The following TENM2 variants were observed in gnomAD, a reference collection of about 807,000 sequenced individuals.
TENM2 encodes the protein teneurin-2.
TENM2 carries 52 observed loss-of-function variants against 245.2 expected under a neutral mutation model. That is an observed-to-expected ratio of 0.21 (90% confidence interval 0.17 to 0.27). The LOEUF is 0.27. Among genes scored for constraint, TENM2 ranks in the 10% least tolerant of loss-of-function variants. The probability of loss-of-function intolerance (pLI) is 1.00; values close to 1 mark genes in which losing one functional copy is unlikely to be tolerated. For synonymous variants in TENM2, 1,363 were observed against 1,438.9 expected, an observed-to-expected ratio of 0.95 and a Z score of 1.19; for missense variants, 3,046 against 3,666.8, an observed-to-expected ratio of 0.83 and a Z score of 4.37.
At chr5:167,976,051 C>T (rs548988971) in intron 4 of TENM2, among the ~76,000 whole-genome samples, 7 of 152,056 alleles carry the variant, frequency 4.6e-5, no homozygotes, top group Non-Finnish European at 8.8e-5. Context: ...TTTTGTTTTC[C>T]TTCCTCGGCC....
chr5:167,680,521 G>A (rs147360791), intron 2 of TENM2, among the ~76,000 whole-genome samples: 17 of 152,222 alleles, frequency 1.1e-4, no homozygotes, highest in Middle Eastern at 3.4e-3. Context: ...CTTAAAGACC[G>A]AGAAATATCT....
At chr5:167,471,979 T>G (rs1260445053) in intron 2 of TENM2, among the ~76,000 whole-genome samples, 1 of 152,216 alleles carries the variant, frequency 6.6e-6, no homozygotes, top group Non-Finnish European at 1.5e-5. Context: ...CATTGCCAGT[T>G]AAGCTGGCTT....
rs1214145647 is a variant in TENM2 at position 167,600,554 on chromosome 5, A to G, written c.502+225081A>G. Among the ~76,000 whole-genome samples the G allele has an allele frequency of 2.6e-5, 4 of 152,202 alleles. 1 individual carries two copies. The highest frequency in any genetic ancestry group is 3.8e-4 in the East Asian group (2 of 5,196). On this transcript the variant is annotated intron_variant, in intron 2 of 28. Coordinates refer to ENST00000518659, the Ensembl canonical transcript of TENM2. ...TATTATGCTTCCTCCTTCAAAAAAT[A>G]TGCAGGAAAGTGATTATATGTGGTG...
At chr5:167,940,301 C>T (rs921507547) in intron 3 of TENM2, among the ~76,000 whole-genome samples, 3 of 151,986 alleles carry the variant, frequency 2.0e-5, no homozygotes, top group Admixed American at 6.6e-5. Context: ...GTTCAACAAC[C>T]GTCTATTGTG....
chr5:167,162,830 G>A, the TENM2 span, among the ~76,000 whole-genome samples: 5 of 152,152 alleles, frequency 3.3e-5, no homozygotes, highest in South Asian at 1.0e-3. Flanking sequence ...ATGGGTTTCA[G>A]CTTTTTCTTG....
chr5:166,983,516 A>G, the TENM2 span, among the ~76,000 whole-genome samples: 4 of 152,106 alleles, frequency 2.6e-5, no homozygotes, highest in East Asian at 1.9e-4. Context: ...CACTTTTCCT[A>G]TGAGTTTGAT....
the TENM2 span, among the ~76,000 whole-genome samples, chr5:167,035,761 A>T: frequency 6.6e-6 from 1 of 152,178 alleles, no homozygotes; most frequent in South Asian, 2.1e-4. Context: ...TTTATTTAAG[A>T]CACAGTTTCA....
chr5:168,107,641 C>T (rs560096830), intron 9 of TENM2, among the ~76,000 whole-genome samples: 2 of 152,156 alleles, frequency 1.3e-5, no homozygotes, highest in Non-Finnish European at 2.9e-5. Context: ...AGGTCATCCA[C>T]GATCTAAACT....
At chr5:168,106,745 A>G (rs1794272678) in intron 9 of TENM2, among the ~76,000 whole-genome samples, 1 of 152,186 alleles carries the variant, frequency 6.6e-6, no homozygotes, top group Admixed American at 6.5e-5. Context: ...CCAGGTAGAA[A>G]GTGGGAGAGC....
chr5:167,716,930 T>C (rs1182375564), intron 2 of TENM2, among the ~76,000 whole-genome samples: 1 of 139,388 alleles, frequency 7.2e-6, no homozygotes, highest in Non-Finnish European at 1.5e-5. Flanking sequence ...TATTTTATTT[T>C]ATTTTATTTT....
exon 19 of TENM2, chr5:168,204,391 T>C (rs761214333): frequency 6.2e-7 from 1 of 1,613,822 alleles, no homozygotes; most frequent in East Asian, 2.2e-5. Context: ...ACAAAGGCAC[T>C]GGGGAAAACC....
At chr5:167,914,346 C>T (rs1203405843) in intron 3 of TENM2, among the ~76,000 whole-genome samples, 1 of 152,200 alleles carries the variant, frequency 6.6e-6, no homozygotes, top group East Asian at 1.9e-4. Flanking sequence ...AGGACGCCTG[C>T]ATTCCTTGGC....
At chr5:168,225,091 C>T (rs1764037075) in intron 23 of TENM2, among the ~76,000 whole-genome samples, 1 of 152,230 alleles carries the variant, frequency 6.6e-6, no homozygotes, top group African/African-American at 2.4e-5. Context: ...CCTAGACTTA[C>T]TTGGGTGCTA....
At chr5:167,378,426 C>T (rs1329036695) in intron 2 of TENM2, among the ~76,000 whole-genome samples, 2 of 148,268 alleles carry the variant, frequency 1.3e-5, no homozygotes, top group Non-Finnish European at 3.0e-5. Context: ...CTTCATCCTA[C>T]ACTCATTGAT....
At chr5:167,488,679 A>G (rs1394553225) in intron 2 of TENM2, among the ~76,000 whole-genome samples, 3 of 149,560 alleles carry the variant, frequency 2.0e-5, no homozygotes, top group Non-Finnish European at 4.4e-5. Flanking sequence ...CACCACATCC[A>G]AAGTGATCTC....
intron 2 of TENM2, among the ~76,000 whole-genome samples, chr5:167,455,905 A>G (rs1445710765): frequency 6.6e-6 from 1 of 152,212 alleles, no homozygotes; most frequent in Non-Finnish European, 1.5e-5. Context: ...ATAATAATCT[A>G]GAGTGTCTCT....
intron 3 of TENM2, among the ~76,000 whole-genome samples, chr5:167,898,068 C>G (rs1410514695): frequency 1.3e-5 from 2 of 151,906 alleles, no homozygotes; most frequent in Non-Finnish European, 2.9e-5. Flanking sequence ...ATTGAAGAGC[C>G]CTTTGCTATA....
the TENM2 span, among the ~76,000 whole-genome samples, chr5:167,196,300 TG>T: frequency 1.3e-5 from 2 of 151,958 alleles, no homozygotes; most frequent in African/African-American, 4.8e-5. Flanking sequence ...GGAGCCACCT[TG>T]CTCTTTGTGG....
At chr5:168,255,284 C>T (rs773665332) in intron 27 of TENM2, among the ~76,000 whole-genome samples, 1 of 152,024 alleles carries the variant, frequency 6.6e-6, no homozygotes, top group Non-Finnish European at 1.5e-5. Context: ...TGTATTTACA[C>T]CTCATTAACA....
Sources: allele counts gnomAD v4.1 joint callset (sites outside exome capture counted in the v4.1 genomes callset), GRCh38; gene constraint gnomAD v4.1.1; transcripts MANE v1.5; gene names NCBI Gene and HGNC (gene_info 2026-07-23, HGNC 2026-07-21).